Variants in KLHDC8A observed in about 807,000 individuals in gnomAD.
KLHDC8A encodes kelch domain containing 8A, also known as kelch domain-containing protein 8A.
Under a neutral mutation model 33.1 loss-of-function variants are expected in KLHDC8A, and 21 were observed. The observed-to-expected ratio is 0.64, with a 90% CI of 0.45 to 0.91. The LOEUF is 0.91. KLHDC8A is among the 40% of genes least tolerant of loss of function. The pLI is 0.00. For synonymous variants in KLHDC8A, 173 were observed against 193.5 expected (o/e 0.89, Z 0.88); for missense variants, 435 against 483.3 (o/e 0.90, Z 0.94).
At chr1:205,340,752 G>A (rs1362445426) in intron 2 of KLHDC8A, among the ~76,000 whole-genome samples, 2 of 152,224 alleles carry the variant, frequency 1.3e-5, no homozygotes, top group African/African-American at 2.4e-5. Flanking sequence ...TGAGAATACA[G>A]GCATGAGCCA....
chr1:205,348,562 C>T (rs1343781070), intron 1 of KLHDC8A: 1 of 152,222 alleles, frequency 6.6e-6, no homozygotes, highest in Non-Finnish European at 1.5e-5. Context: ...GCACCAGTCA[C>T]TTATGTCCTT....
chr1:205,354,127 G>T (rs887716559), intron 1 of KLHDC8A, among the ~76,000 whole-genome samples: 3 of 152,360 alleles, frequency 2.0e-5, no homozygotes, highest in South Asian at 2.1e-4. Context: ...CCCCACCTCA[G>T]CTCGCTCCAC....
At chr1:205,345,664 C>T (rs1447643063) in intron 1 of KLHDC8A, among the ~76,000 whole-genome samples, 1 of 152,146 alleles carries the variant, frequency 6.6e-6, no homozygotes, top group African/African-American at 2.4e-5. Flanking sequence ...TCACCTGAGC[C>T]TGGGAGGCGG....
At chr1:205,349,200 G>C (rs182791648) in intron 1 of KLHDC8A, among the ~76,000 whole-genome samples, 3 of 152,226 alleles carry the variant, frequency 2.0e-5, no homozygotes, top group African/African-American at 7.2e-5. Context: ...ATGTGATCAT[G>C]TGGCACTGCT....
chr1:205,343,181 C>G, intron 2 of KLHDC8A, 48 bp downstream of exon 2: 1 of 1,532,896 alleles, frequency 6.5e-7, no homozygotes, highest in Non-Finnish European at 8.8e-7. Context: ...TCCCTCCTGG[C>G]CCCCCACTTC....
chr1:205,355,506 T>C (rs1663242146), intron 1 of KLHDC8A, among the ~76,000 whole-genome samples: 1 of 152,148 alleles, frequency 6.6e-6, no homozygotes, highest in African/African-American at 2.4e-5. Context: ...CCACACTACA[T>C]TCTTTACATA....
At chr1:205,346,322 T>C (rs1481930795) in intron 1 of KLHDC8A, among the ~76,000 whole-genome samples, 1 of 152,168 alleles carries the variant, frequency 6.6e-6, no homozygotes, top group African/African-American at 2.4e-5. Flanking sequence ...TGAACTGTCT[T>C]CACAAAATCA....
At chr1:205,347,639 C>T (rs1472975773) in intron 1 of KLHDC8A, among the ~76,000 whole-genome samples, 1 of 152,034 alleles carries the variant, frequency 6.6e-6, no homozygotes, top group Non-Finnish European at 1.5e-5. Context: ...CACTTGAGCC[C>T]AGGGGGTAGA....
At chr1:205,352,562 GCT>G (rs750032339) in intron 1 of KLHDC8A, among the ~76,000 whole-genome samples, 20 of 152,210 alleles carry the variant, frequency 1.3e-4, no homozygotes, top group Non-Finnish European at 2.5e-4. Flanking sequence ...GCTGACCTGT[GCT>G]CTCTGTGCTG....
chr1:205,346,140 G>C (rs982420371), intron 1 of KLHDC8A, among the ~76,000 whole-genome samples: 4 of 152,182 alleles, frequency 2.6e-5, no homozygotes, highest in African/African-American at 2.4e-5. Context: ...AGCACCTCTA[G>C]AACCTTCACA....
rs762386151 is a variant in KLHDC8A at position 205,339,264 on chromosome 1, G to A, written c.687C>T (p.Gly229=). 54 of 1,614,062 alleles carry A rather than the reference G, an allele frequency of 3.3e-5. No homozygotes were observed. The highest frequency in any genetic ancestry group is 3.9e-5 in the Non-Finnish European group (46 of 1,180,018). The change falls in exon 4 of 6, where the codon GGC becomes GGT. Residue 229 remains glycine (G), a synonymous_variant. Transcript: ENST00000367155. The surrounding 1 kb of genome is among the most constrained non-coding windows in gnomAD (Gnocchi z 5.1). ...TLDNHLYSLG[G]LRQGRLYRQP... Reference sequence around the variant, plus strand: ...GCCGGTAGAGGCGACCTTGCCGCAGGCCTCCTAGGCTGTACAAGTGGTTGT... The same window carrying A: ...GCCGGTAGAGGCGACCTTGCCGCAGACCTCCTAGGCTGTACAAGTGGTTGT...
At chr1:205,353,997 G>A (rs1306779212) in intron 1 of KLHDC8A, among the ~76,000 whole-genome samples, 2 of 152,146 alleles carry the variant, frequency 1.3e-5, no homozygotes, top group African/African-American at 2.4e-5. Flanking sequence ...TCCTCTTCAG[G>A]CCACCATGAT....
intron 4 of KLHDC8A, 80 bp from the exon 5 acceptor site, chr1:205,338,676 A>C (rs141485709): frequency 1.8e-6 from 2 of 1,130,644 alleles, no homozygotes; most frequent in Admixed American, 1.8e-5. Flanking sequence ...TTGTGGCCCA[A>C]ATAGCTTTCA....
chr1:205,351,900 C>T lies in KLHDC8A; in HGVS notation c.-190+4633G>A, dbSNP rs192036371. ...TGCCATTGCACTCCAGCCTGGGCAA[C>T]AAGGGCGAAACTCCGTCTCAAAAAA... On this transcript the variant is annotated intron_variant, in intron 1 of 5. Transcript: ENST00000367155. Among the ~76,000 whole-genome samples the T allele has an allele frequency of 1.8e-4, 27 of 149,668 alleles. No individual in the cohort carries two copies. In the East Asian group the frequency reaches 4.7e-3, roughly 26 times the overall value.
intron 1 of KLHDC8A, among the ~76,000 whole-genome samples, chr1:205,353,684 TC>T (rs951552604): frequency 2.0e-5 from 3 of 152,074 alleles, no homozygotes; most frequent in African/African-American, 7.2e-5. Flanking sequence ...CACGCACCAC[TC>T]CCAGCTTGCC....
At position 205,336,880 on chromosome 1, in the gene KLHDC8A, G is replaced by A. The variant is rs1662648733; in HGVS notation, c.*519C>T. 1 of 158,046 alleles carries A rather than the reference G, an allele frequency of 6.3e-6. No homozygotes were observed. The highest frequency in any genetic ancestry group is 1.4e-5 in the Non-Finnish European group (1 of 71,096). 9.8% of individuals were successfully genotyped at this position (158,046 alleles called of 1,614,324 possible). Reference sequence around the variant, plus strand: ...CTTCATGTCCAATTCTCGCTGAGTAGATGAGGTCCAGGGTAGGCCCACAGT... The same window carrying A: ...CTTCATGTCCAATTCTCGCTGAGTAAATGAGGTCCAGGGTAGGCCCACAGT... On this transcript the variant is annotated 3_prime_UTR_variant, in exon 6 of 6. Coordinates refer to ENST00000367155, the MANE Select transcript of KLHDC8A (RefSeq NM_018203.3).
At chr1:205,340,474 C>T (rs1403299300) in intron 2 of KLHDC8A, among the ~76,000 whole-genome samples, 1 of 151,942 alleles carries the variant, frequency 6.6e-6, no homozygotes, top group Non-Finnish European at 1.5e-5. Context: ...AGAGGGGAAG[C>T]CAAAGAGGAG....
intron 1 of KLHDC8A, among the ~76,000 whole-genome samples, chr1:205,345,890 CAT>C (rs1662934278): frequency 6.6e-6 from 1 of 152,194 alleles, no homozygotes; most frequent in African/African-American, 2.4e-5. Flanking sequence ...GCCTGGCCAA[CAT>C]GGTGAAATCT....
chr1:205,353,076 G>A (rs1663163113), intron 1 of KLHDC8A, among the ~76,000 whole-genome samples: 1 of 152,162 alleles, frequency 6.6e-6, no homozygotes, highest in African/African-American at 2.4e-5. Context: ...CCCAGTCTTG[G>A]GAATTATGTT....
Sources: allele counts gnomAD v4.1 joint callset (sites outside exome capture counted in the v4.1 genomes callset), GRCh38; gene constraint gnomAD v4.1.1; non-coding constraint Gnocchi (gnomAD v3.1); transcripts MANE v1.5; gene names NCBI Gene and HGNC (gene_info 2026-07-23, HGNC 2026-07-21).